PRIM2: variants seen among roughly 807,000 people sequenced by gnomAD.
PRIM2 encodes the protein DNA primase large subunit.
A neutral mutation model predicts 67.3 loss-of-function variants in PRIM2; 39 were observed. That is an observed-to-expected ratio of 0.58 (90% CI 0.45 to 0.76). The LOEUF (loss-of-function observed/expected upper bound fraction) is 0.76, where lower values mean the gene tolerates loss of function less well. PRIM2 is among the 30% of genes least tolerant of loss of function. PRIM2 has a pLI of 0.00. For missense variants in PRIM2, 398 were observed against 598.7 expected (o/e 0.66, Z 3.50); for synonymous variants, 143 against 198.7 (o/e 0.72, Z 2.36).
chr6:57,271,796 T>C, the PRIM2 span, among the ~76,000 whole-genome samples: 1 of 152,238 alleles, frequency 6.6e-6, no homozygotes, highest in Non-Finnish European at 1.5e-5. Flanking sequence ...CACACTGCTT[T>C]GAATGTGTCC....
chr6:57,420,443 C>T (rs1020479578), intron 7 of PRIM2, among the ~76,000 whole-genome samples: 6 of 152,042 alleles, frequency 3.9e-5, no homozygotes, highest in African/African-American at 1.2e-4. Flanking sequence ...GCGGAGGTTG[C>T]GGTGAGCTGA....
At chr6:57,452,552 T>C (rs1261319847) in intron 7 of PRIM2, among the ~76,000 whole-genome samples, 3 of 152,252 alleles carry the variant, frequency 2.0e-5, no homozygotes, top group Non-Finnish European at 4.4e-5. Context: ...GAGCGTTTTT[T>C]CATGTGTCTT....
At chr6:57,227,381 C>T in the PRIM2 span, among the ~76,000 whole-genome samples, 56 of 152,282 alleles carry the variant, frequency 3.7e-4, 1 homozygote, top group African/African-American at 1.1e-3. Context: ...CAGTGGCTCA[C>T]GCCTGTAATC....
chr6:57,613,653 A>G (rs2127494897), intron 12 of PRIM2, among the ~76,000 whole-genome samples: 1 of 152,282 alleles, frequency 6.6e-6, no homozygotes, highest in Admixed American at 6.5e-5. Context: ...AGACATGACA[A>G]TTCCAGCAAT....
At chr6:57,491,037 A>C (rs1404118282) in intron 7 of PRIM2, among the ~76,000 whole-genome samples, 1 of 152,234 alleles carries the variant, frequency 6.6e-6, no homozygotes, top group Non-Finnish European at 1.5e-5. Flanking sequence ...ATAAATAATG[A>C]TGGTAAATTG....
intron 5 of PRIM2, among the ~76,000 whole-genome samples, chr6:57,355,240 G>T (rs1768992001): frequency 6.7e-6 from 1 of 150,270 alleles, no homozygotes; most frequent in Admixed American, 6.6e-5. Flanking sequence ...AGAGGCGGAG[G>T]TTGCAGTAAG....
At chr6:57,354,848 G>A (rs1169432351) in intron 5 of PRIM2, among the ~76,000 whole-genome samples, 2 of 152,220 alleles carry the variant, frequency 1.3e-5, no homozygotes, top group African/African-American at 4.8e-5. Context: ...AACTTTGTTT[G>A]GCTTTTTTAT....
chr6:57,579,612 G>A (rs1482155713), intron 10 of PRIM2, among the ~76,000 whole-genome samples: 3 of 151,310 alleles, frequency 2.0e-5, no homozygotes, highest in Non-Finnish European at 4.4e-5. Flanking sequence ...AATTAACAGT[G>A]TAAGTAGAAG....
chr6:57,284,478 C>G, the PRIM2 span, among the ~76,000 whole-genome samples: 1 of 152,166 alleles, frequency 6.6e-6, no homozygotes, highest in Admixed American at 6.5e-5. Flanking sequence ...TCAATACATA[C>G]TCAACATACA....
intron 7 of PRIM2, among the ~76,000 whole-genome samples, chr6:57,490,826 T>C (rs1773870899): frequency 6.6e-6 from 1 of 152,232 alleles, no homozygotes; most frequent in African/African-American, 2.4e-5. Flanking sequence ...GGTCTCAAAC[T>C]CCTGGGCTCA....
chr6:57,311,393 G>C (rs1392168155), upstream of PRIM2, among the ~76,000 whole-genome samples: 1 of 149,940 alleles, frequency 6.7e-6, no homozygotes, highest in Non-Finnish European at 1.5e-5. Context: ...CTTCCCAGAG[G>C]GGGCGGCCAG....
chr6:57,504,391 A>T (rs1774210206), intron 7 of PRIM2, among the ~76,000 whole-genome samples: 1 of 152,184 alleles, frequency 6.6e-6, no homozygotes, highest in Non-Finnish European at 1.5e-5. Flanking sequence ...AGTAATACTA[A>T]TTTTTAAAAT....
chr6:57,635,996 A>G (rs1777115314), intron 13 of PRIM2, among the ~76,000 whole-genome samples: 1 of 152,108 alleles, frequency 6.6e-6, no homozygotes, highest in Admixed American at 6.6e-5. Flanking sequence ...CACTCCACCC[A>G]CCTTCCTCTA....
chr6:57,318,620 A>G (rs1410083079), intron 2 of PRIM2, 21 bp downstream of exon 2: 1 of 1,519,572 alleles, frequency 6.6e-7, no homozygotes, highest in Non-Finnish European at 8.9e-7. Context: ...TTTAAATTAG[A>G]ATGTATATAT....
At chr6:57,580,720 G>A (rs1417074152) in intron 10 of PRIM2, among the ~76,000 whole-genome samples, 4 of 152,164 alleles carry the variant, frequency 2.6e-5, no homozygotes, top group Non-Finnish European at 5.9e-5. Flanking sequence ...ACCTGCTTTA[G>A]GGGAGAAGGG....
chr6:57,225,261 T>C, the PRIM2 span, among the ~76,000 whole-genome samples: 1 of 152,232 alleles, frequency 6.6e-6, no homozygotes, highest in African/African-American at 2.4e-5. Flanking sequence ...CAATTTAATT[T>C]GCAGGCTTCT....
chr6:57,385,536 T>C (rs1179946224), intron 7 of PRIM2, among the ~76,000 whole-genome samples: 5 of 152,218 alleles, frequency 3.3e-5, no homozygotes, highest in African/African-American at 1.2e-4. Context: ...AGAAAATTAA[T>C]GTTTATAAGT....
intron 10 of PRIM2, among the ~76,000 whole-genome samples, chr6:57,544,742 A>G (rs1463858632): frequency 1.8e-4 from 28 of 152,210 alleles, no homozygotes; most frequent in Non-Finnish European, 3.4e-4. Context: ...AATGTAAACT[A>G]TATAAAAGCA....
the PRIM2 span, among the ~76,000 whole-genome samples, chr6:57,232,163 G>A: frequency 1.8e-4 from 27 of 152,258 alleles, no homozygotes; most frequent in South Asian, 4.4e-3. Context: ...CAAAACAAGC[G>A]TTCCGTTGTT....
Sources: gnomAD v4.1 joint callset for allele counts (sites outside exome capture counted in the v4.1 genomes callset) on GRCh38, gnomAD v4.1.1 for gene constraint, MANE v1.5 for transcripts, NCBI Gene and HGNC (gene_info 2026-07-23, HGNC 2026-07-21) for gene names.